FOXN4: variants seen among roughly 807,000 people sequenced by gnomAD.
FOXN4 encodes forkhead box N4.
FOXN4 carries 12 observed loss-of-function variants against 45.0 expected under a neutral mutation model. The ratio of observed to expected loss-of-function variants is 0.27; its 90% CI spans 0.17 to 0.43. The LOEUF (loss-of-function observed/expected upper bound fraction) is 0.43, where lower values mean the gene tolerates loss of function less well. Among genes scored for constraint, FOXN4 ranks in the 20% least tolerant of loss-of-function variants. The pLI is 1.00. For missense variants in FOXN4, 560 were observed against 694.9 expected (o/e 0.81, Z 2.18); for synonymous variants, 297 against 295.0 (o/e 1.01, Z -0.07).
chr12:109,298,334 T>G (rs1275127192), intron 2 of FOXN4, among the ~76,000 whole-genome samples: 2 of 129,364 alleles, frequency 1.5e-5, no homozygotes, highest in African/African-American at 6.7e-5. Context: ...GTTTCAGGTT[T>G]TTTTTTTTTG....
intron 2 of FOXN4, among the ~76,000 whole-genome samples, chr12:109,299,379 CACA>C (rs2047848077): frequency 6.6e-6 from 1 of 152,050 alleles, no homozygotes; most frequent in Admixed American, 6.6e-5. Context: ...CGTGCACACA[CACA>C]ACACACATAT....
intron 2 of FOXN4, among the ~76,000 whole-genome samples, chr12:109,295,156 T>C (rs2136935280): frequency 6.6e-6 from 1 of 152,260 alleles, no homozygotes; most frequent in African/African-American, 2.4e-5. Context: ...CGGAGTGGCT[T>C]TGTGATCCAC....
intron 7 of FOXN4, among the ~76,000 whole-genome samples, chr12:109,285,735 C>T (rs1464817880): frequency 6.6e-6 from 1 of 152,256 alleles, no homozygotes; most frequent in Non-Finnish European, 1.5e-5. Flanking sequence ...TCAGCTCTGG[C>T]CAACTGTTAC....
Position 109,286,693 on chromosome 12 carries a change from C to A in FOXN4, c.648G>T (p.Val216=). Residue 216 remains valine (V), a synonymous_variant, in exon 7 of 10, where the codon GTG becomes GTT. Transcript: ENST00000299162. ...CCTTCATGAAGCTGTAGATCTCGCT[C>A]ACAGGCAGGCTGCCTGTCTTGCTGT... The part of the protein sequence containing the change: ...LKNSKTGSLP[V]SEIYSFMKEH... The A allele has an allele frequency of 1.9e-6, 3 of 1,607,906 alleles. No individual in the cohort carries two copies. The highest frequency in any genetic ancestry group is 2.5e-6 in the Non-Finnish European group (3 of 1,179,008).
rs531940296 is a variant in FOXN4 at position 109,297,626 on chromosome 12, C to T, written c.87-7340G>A. ...GTGCTGGGATTACAGGCGTGAGCCA[C>T]GGTGCCCAGCCTCCTTATGAGAATC... is the stretch of plus-strand genomic sequence containing the variant. On this transcript the variant is annotated intron_variant, in intron 2 of 9. Transcript: ENST00000299162. 8.5e-5 allele frequency among the ~76,000 whole-genome samples: 13 copies of T among 152,296 alleles called. No homozygotes were observed. The South Asian group carries it at 1.7e-3, about 19-fold the overall frequency.
chr12:109,286,508 G>A lies in FOXN4; in HGVS notation c.693+140C>T. ...TTCTGACTTTCTTCTGTGTGAGTGT[G>A]TGTGCACATGTCCTAACCACCAGAT... is the stretch of plus-strand genomic sequence containing the variant. On this transcript the variant is annotated intron_variant, in intron 7 of 9. Coordinates refer to ENST00000299162, the MANE Select transcript of FOXN4 (RefSeq NM_213596.3). 3 of 747,262 alleles carry A rather than the reference G, an allele frequency of 4.0e-6. No homozygotes were observed. The South Asian group carries it at 5.3e-5, about 13-fold the overall frequency. The allele number at this position is 747,262 out of a possible 1,614,324, so 46.3% of individuals were successfully genotyped here. A position where few individuals can be genotyped will look rare whatever the true frequency, so the allele number is the denominator to read the frequency against.
rs1244494175 is a variant in FOXN4, at chr12:109,288,095, G to A, written c.318C>T (p.Gly106=). ...CAGTTATGGGGCCCAGACCTGGCAT[G>A]CCTCGGGGGGCCATGCCTGCTGGGC... The part of the protein sequence containing the change: ...LHGPAGMAPR[G]MPGLGPITGH... Residue 106 remains glycine (G), a synonymous_variant, in exon 4 of 10, where the codon GGC becomes GGT. Transcript: ENST00000299162. The surrounding 1 kb of genome is among the most constrained non-coding windows in gnomAD (Gnocchi z 4.3). 2 of 1,547,426 alleles carry A rather than the reference G, an allele frequency of 1.3e-6. No homozygotes were observed. Among genetic ancestry groups the A allele is most frequent in the Admixed American group, 4.0e-5 (2 of 49,872 alleles).
At chr12:109,295,201 G>A (rs1450907163) in intron 2 of FOXN4, among the ~76,000 whole-genome samples, 1 of 152,176 alleles carries the variant, frequency 6.6e-6, no homozygotes, top group Non-Finnish European at 1.5e-5. Context: ...ATATTCCCTG[G>A]TGTGTGTGTA....
intron 6 of FOXN4, 163 bp from the exon 7 acceptor site, chr12:109,286,907 G>A (rs575804524): frequency 1.7e-5 from 24 of 1,424,696 alleles, no homozygotes; most frequent in Admixed American, 1.2e-4. Flanking sequence ...TTCATGGCCC[G>A]ATGTCTTTCC....
At chr12:109,300,371 A>T (rs2047858641) in intron 2 of FOXN4, among the ~76,000 whole-genome samples, 1 of 152,124 alleles carries the variant, frequency 6.6e-6, no homozygotes, top group African/African-American at 2.4e-5. Flanking sequence ...CCAACCCCCT[A>T]GGTCCAAAAC....
intron 8 of FOXN4, among the ~76,000 whole-genome samples, chr12:109,282,313 T>C (rs1050160945): frequency 3.2e-4 from 49 of 152,124 alleles, no homozygotes; most frequent in African/African-American, 1.0e-3. Flanking sequence ...CTGGGCTTGG[T>C]GGTGTGTGCC....
In FOXN4 at chr12:109,279,764, C is replaced by A; in HGVS notation, c.1461G>T (p.Ala487=). ...CAGCCACACTGTCCGGAGTGGAGTA[C>A]GCTGTGTAGAGACCCGTCACCTGCA... ...PDLQVTGLYT[A]YSTPDSVAAS... The change falls in exon 10 of 10, where the codon GCG becomes GCT. Residue 487 remains alanine, a synonymous_variant. Coordinates refer to ENST00000299162, the MANE Select transcript of FOXN4 (RefSeq NM_213596.3). 6.3e-7 allele frequency: 1 copy of A among 1,596,626 alleles called. No homozygotes were observed.
chr12:109,287,648 A>G lies in FOXN4; in HGVS notation c.469-124T>C, dbSNP rs2047726747. Reference sequence around the variant, plus strand: ...AAAACACCTTGTGTGGGGATTCACAACCGTCCAGGAAACAATCTTGTCTCC... The same window carrying G: ...AAAACACCTTGTGTGGGGATTCACAGCCGTCCAGGAAACAATCTTGTCTCC... On this transcript the variant is annotated intron_variant, in intron 5 of 9. Transcript: ENST00000299162. This position sits in a 1 kb window ranked among gnomAD's most constrained non-coding sequence, Gnocchi z 4.1. 16 of 1,320,468 alleles carry G rather than the reference A, an allele frequency of 1.2e-5. No homozygotes were observed. The highest frequency in any genetic ancestry group is 1.6e-5 in the Non-Finnish European group (16 of 983,516). 81.8% of individuals were successfully genotyped at this position (1,320,468 alleles called of 1,614,324 possible).
chr12:109,293,011 G>GC (rs2047783429), intron 2 of FOXN4, among the ~76,000 whole-genome samples: 2 of 152,030 alleles, frequency 1.3e-5, no homozygotes, highest in Non-Finnish European at 2.9e-5. Context: ...TCCTTCTGCA[G>GC]CCCCCCGCAG....
At position 109,279,904 on chromosome 12, in the gene FOXN4, C is replaced by T. The variant is rs1384493981; in HGVS notation, c.1321G>A (p.Glu441Lys). The T allele has an allele frequency of 7.4e-6, 12 of 1,613,852 alleles. No individual in the cohort carries two copies. In the Admixed American group the frequency reaches 8.3e-5, roughly 11 times the overall value. The change falls in exon 10 of 10, where the codon GAG becomes AAG. Residue 441 changes from glutamate (E) to lysine (K), a missense_variant. Physicochemically the swap from Glu to Lys is moderately conservative, Grantham distance 56. Around this residue, in one of 5 missense-constraint regions of FOXN4, gnomAD observed 315 missense variants for 350.5 expected, o/e 0.90. Coordinates refer to ENST00000299162, the MANE Select transcript of FOXN4 (RefSeq NM_213596.3). ...QGNLWEEMKD[E>K]GFSLDTLGAF... is the part of the protein sequence containing the mutation. ...CCCAGTGTGTCCAAGCTGAATCCCTCATCCTTCATCTCCTCCCACAGGTTC... is the reference window on the plus strand; with the variant it reads ...CCCAGTGTGTCCAAGCTGAATCCCTTATCCTTCATCTCCTCCCACAGGTTC...
In FOXN4 at chr12:109,305,279, G is replaced by C. The variant is rs144717850; in HGVS notation, c.86+2957C>G. 1.4e-4 allele frequency among the ~76,000 whole-genome samples: 22 copies of C among 152,308 alleles called. No homozygotes were observed. The East Asian group carries it at 3.9e-3, about 27-fold the overall frequency. The stretch of plus-strand genomic sequence containing the variant: ...AGTTCTACCTTCATGGGGTGGTTTT[G>C]GGGATTTGATGGGATTTGACGGGGA... On this transcript the variant is annotated intron_variant, in intron 2 of 9. Coordinates refer to ENST00000299162, the MANE Select transcript of FOXN4 (RefSeq NM_213596.3).
chr12:109,283,961 C>T (rs998222305), intron 8 of FOXN4, among the ~76,000 whole-genome samples: 7 of 152,210 alleles, frequency 4.6e-5, no homozygotes, highest in African/African-American at 1.7e-4. Context: ...CAAATCTTTG[C>T]TCTTCACAGT....
rs778817432 is a variant in FOXN4, at chr12:109,281,831, C to A, written c.902-32G>T. On this transcript the variant is annotated intron_variant, in intron 8 of 9. Coordinates refer to ENST00000299162, the MANE Select transcript of FOXN4 (RefSeq NM_213596.3). Reference sequence around the variant, plus strand: ...GCAAGTGGGAGAGGTCACTCAGAACCCACCCAGCAGTTACCGGGCCCCAGC... The same window carrying A: ...GCAAGTGGGAGAGGTCACTCAGAACACACCCAGCAGTTACCGGGCCCCAGC... The A allele has an allele frequency of 6.4e-5, 98 of 1,534,068 alleles. 1 individual carries two copies. The Admixed American group carries it at 1.8e-3, about 28-fold the overall frequency.
In FOXN4 at chr12:109,287,177, C is replaced by T. The variant is rs989737965; in HGVS notation, c.596+220G>A. ...CCACGTGGCTTATGAATGAAGTGAA[C>T]TGTGGCACTGGACTCAGGTCTGCAG... On this transcript the variant is annotated intron_variant, in intron 6 of 9. Transcript: ENST00000299162. The surrounding 1 kb of genome is among the most constrained non-coding windows in gnomAD (Gnocchi z 4.1). 3.3e-5 allele frequency among the ~76,000 whole-genome samples: 5 copies of T among 152,214 alleles called. No homozygotes were observed. The highest frequency in any genetic ancestry group is 1.2e-4 in the African/African-American group (5 of 41,456).
Sources: allele counts gnomAD v4.1 joint callset (sites outside exome capture counted in the v4.1 genomes callset), GRCh38; gene constraint gnomAD v4.1.1; regional missense constraint gnomAD v4.1.1; non-coding constraint Gnocchi (gnomAD v3.1); transcripts MANE v1.5; gene names NCBI Gene and HGNC (gene_info 2026-07-23, HGNC 2026-07-21).